LARGE1: variants seen among roughly 807,000 people sequenced by gnomAD.
The protein encoded by LARGE1 is LARGE xylosyl- and glucuronyltransferase 1.
In LARGE1, 43 loss-of-function variants were observed where a neutral mutation model predicts 87.6. The ratio of observed to expected loss-of-function variants is 0.49; its 90% CI spans 0.38 to 0.63. The LOEUF (loss-of-function observed/expected upper bound fraction) is 0.63. Among genes scored for constraint, LARGE1 ranks in the 30% least tolerant of loss-of-function variants. The pLI is 0.00. For synonymous variants in LARGE1, 434 were observed against 394.6 expected, an observed-to-expected ratio of 1.10 and a Z score of -1.18; for missense variants, 802 against 1,000.2, an observed-to-expected ratio of 0.80 and a Z score of 2.67.
intron 2 of LARGE1, among the ~76,000 whole-genome samples, chr22:33,660,070 T>G (rs955752671): frequency 7.1e-6 from 1 of 141,106 alleles, no homozygotes; most frequent in African/African-American, 2.8e-5. Flanking sequence ...AAATGTTTTG[T>G]TGTGTGTGTG....
chr22:33,422,510 C>CCT (rs1384545052), intron 7 of LARGE1, among the ~76,000 whole-genome samples: 6 of 136,608 alleles, frequency 4.4e-5, no homozygotes, highest in Non-Finnish European at 6.4e-5. Context: ...GTGCTACACA[C>CCT]TTTTTTTTTT....
At chr22:33,312,355 G>A (rs1360151911) in intron 11 of LARGE1, among the ~76,000 whole-genome samples, 3 of 150,034 alleles carry the variant, frequency 2.0e-5, no homozygotes, top group Non-Finnish European at 2.9e-5. Context: ...CGGGAGAATC[G>A]CTCGAACCCA....
intron 2 of LARGE1, among the ~76,000 whole-genome samples, chr22:33,675,018 CGCGGTGA>C (rs756781343): frequency 4.0e-5 from 6 of 151,688 alleles, no homozygotes; most frequent in Non-Finnish European, 8.8e-5. Flanking sequence ...AGAGGCCAGG[CGCGGTGA>C]CTCATGCCTG....
chr22:33,597,083 C>G (rs1382516505), intron 5 of LARGE1, among the ~76,000 whole-genome samples: 4 of 152,130 alleles, frequency 2.6e-5, no homozygotes, highest in Non-Finnish European at 5.9e-5. Context: ...TTCACTGGAG[C>G]TGCTCCAGCC....
chr22:33,191,706 A>G (rs1923788985), intron 11 of LARGE1, among the ~76,000 whole-genome samples: 1 of 152,208 alleles, frequency 6.6e-6, no homozygotes, highest in South Asian at 2.1e-4. Flanking sequence ...AACATAATCT[A>G]CAGGGTTTCT....
At chr22:33,861,063 G>A (rs765007242) in intron 1 of LARGE1, among the ~76,000 whole-genome samples, 10 of 152,124 alleles carry the variant, frequency 6.6e-5, no homozygotes, top group African/African-American at 2.4e-4. Context: ...AGTGGGTAAC[G>A]AAGCGGCATC....
intron 1 of LARGE1, among the ~76,000 whole-genome samples, chr22:33,857,340 T>C (rs986573780): frequency 1.3e-5 from 2 of 152,302 alleles, no homozygotes; most frequent in African/African-American, 4.8e-5. Context: ...CATTGGGAGC[T>C]TTTGATACCC....
At chr22:33,432,743 C>A (rs991093864) in intron 6 of LARGE1, among the ~76,000 whole-genome samples, 1 of 152,290 alleles carries the variant, frequency 6.6e-6, no homozygotes, top group East Asian at 1.9e-4. Flanking sequence ...TGGTTTCTCA[C>A]GACAGGGAGG....
intron 2 of LARGE1, among the ~76,000 whole-genome samples, chr22:33,729,339 T>A (rs1030975614): frequency 6.6e-6 from 1 of 152,138 alleles, no homozygotes; most frequent in Admixed American, 6.5e-5. Flanking sequence ...GAAAAAGACA[T>A]GAGTTGAATT....
At chr22:33,497,277 A>G (rs894914656) in intron 6 of LARGE1, among the ~76,000 whole-genome samples, 28 of 152,104 alleles carry the variant, frequency 1.8e-4, no homozygotes, top group Non-Finnish European at 3.4e-4. Context: ...GGTTTCACTA[A>G]GTTGGCAAGG....
chr22:33,772,419 G>A (rs1017226392), intron 1 of LARGE1, among the ~76,000 whole-genome samples: 5 of 151,728 alleles, frequency 3.3e-5, no homozygotes, highest in African/African-American at 7.3e-5. Flanking sequence ...ACTTGACCTC[G>A]ATCTCTCCGA....
At chr22:33,642,552 A>G (rs1008581552) in intron 3 of LARGE1, among the ~76,000 whole-genome samples, 1 of 152,072 alleles carries the variant, frequency 6.6e-6, no homozygotes, top group African/African-American at 2.4e-5. Context: ...CCTTAAATGT[A>G]AATGGGCTAA....
At chr22:33,608,739 G>A (rs1056430287) in intron 4 of LARGE1, among the ~76,000 whole-genome samples, 11 of 152,278 alleles carry the variant, frequency 7.2e-5, no homozygotes, top group East Asian at 1.9e-4. Context: ...TCAAGAGTTC[G>A]GAGTTTGGAC....
the LARGE1 span, among the ~76,000 whole-genome samples, chr22:33,096,433 A>T: frequency 6.6e-6 from 1 of 151,124 alleles, no homozygotes; most frequent in African/African-American, 2.4e-5. Context: ...AAAAAAAAAA[A>T]GGATATAATA....
At chr22:33,187,700 C>A (rs1034122150) in intron 11 of LARGE1, among the ~76,000 whole-genome samples, 1 of 151,764 alleles carries the variant, frequency 6.6e-6, no homozygotes, top group Non-Finnish European at 1.5e-5. Context: ...AGGCAGATCA[C>A]GGGGTCAGGA....
chr22:33,514,369 TATGTATCACAG>T (rs1393203107), intron 6 of LARGE1, among the ~76,000 whole-genome samples: 1 of 152,162 alleles, frequency 6.6e-6, no homozygotes, highest in Non-Finnish European at 1.5e-5. Context: ...TGCACACACA[TATGTATCACAG>T]GTGTATACTG....
chr22:33,136,730 A>G, the LARGE1 span, among the ~76,000 whole-genome samples: 5 of 152,190 alleles, frequency 3.3e-5, no homozygotes. Context: ...AATTAGTTTC[A>G]TGACCATTTA....
intron 4 of LARGE1, among the ~76,000 whole-genome samples, chr22:33,617,843 TCCTTAACTGCTC>T (rs1323530458): frequency 1.3e-5 from 2 of 152,220 alleles, no homozygotes; most frequent in African/African-American, 4.8e-5. Flanking sequence ...CCCTCTGGTT[TCCTTAACTGCTC>T]CCTTGTTCCA....
chr22:33,746,999 G>C (rs761566355), intron 2 of LARGE1, among the ~76,000 whole-genome samples: 54 of 152,218 alleles, frequency 3.5e-4, no homozygotes, highest in Non-Finnish European at 5.9e-4. Context: ...GCAGGATTCT[G>C]GGCTGTCTTG....
Sources: allele counts gnomAD v4.1 joint callset (sites outside exome capture counted in the v4.1 genomes callset), GRCh38; gene constraint gnomAD v4.1.1; transcripts MANE v1.5; gene names NCBI Gene and HGNC (gene_info 2026-07-23, HGNC 2026-07-21).